Variants in ARPP21 observed in about 807,000 individuals in gnomAD.
ARPP21 encodes the protein cAMP-regulated phosphoprotein 21.
Under a neutral mutation model 113.2 loss-of-function variants are expected in ARPP21, and 69 were observed. The ratio of observed to expected loss-of-function variants is 0.61; its 90% confidence interval spans 0.50 to 0.74. The LOEUF is 0.74. Among genes scored for constraint, ARPP21 ranks in the 30% least tolerant of loss-of-function variants. The pLI, the probability that ARPP21 is intolerant of heterozygous loss-of-function variation, is 0.00. For synonymous variants in ARPP21, 368 were observed against 375.5 expected (o/e 0.98, Z 0.23); for missense variants, 1,070 against 1,037.4 (o/e 1.03, Z -0.43).
At chr3:35,645,039 C>T (rs1699678482) in intron 1 of ARPP21, among the ~76,000 whole-genome samples, 2 of 151,894 alleles carry the variant, frequency 1.3e-5, no homozygotes, top group East Asian at 1.9e-4. Flanking sequence ...AAAACTGTCT[C>T]ATTCAAGGAA....
chr3:35,737,071 C>T, intron 15 of ARPP21, 107 bp from the exon 16 acceptor site: 1 of 691,646 alleles, frequency 1.4e-6, no homozygotes. Flanking sequence ...TTTCCACTGC[C>T]CTGCCCCTTT....
chr3:35,693,201 AC>A (rs1252396793), intron 9 of ARPP21, among the ~76,000 whole-genome samples: 1 of 151,672 alleles, frequency 6.6e-6, no homozygotes, highest in East Asian at 1.9e-4. Flanking sequence ...CCTTACTCTT[AC>A]ACACCGCCAT....
chr3:35,697,968 A>T (rs982771488), intron 9 of ARPP21, among the ~76,000 whole-genome samples: 6 of 151,606 alleles, frequency 4.0e-5, no homozygotes, highest in Non-Finnish European at 8.9e-5. Context: ...TGCCTCTTAA[A>T]AATCTATGAG....
chr3:35,768,548 G>A (rs2096071701), intron 19 of ARPP21, among the ~76,000 whole-genome samples: 1 of 152,096 alleles, frequency 6.6e-6, no homozygotes, highest in South Asian at 2.1e-4. Flanking sequence ...TTCAATAGTA[G>A]TGTGTCTTTG....
chr3:35,722,844 A>G (rs946372171), intron 14 of ARPP21, among the ~76,000 whole-genome samples: 2 of 152,116 alleles, frequency 1.3e-5, no homozygotes, highest in African/African-American at 4.8e-5. Context: ...ATTATTCACT[A>G]TTGTTTTTGA....
At chr3:35,745,178 G>A (rs1018681852) in intron 19 of ARPP21, among the ~76,000 whole-genome samples, 1 of 152,050 alleles carries the variant, frequency 6.6e-6, no homozygotes, top group South Asian at 2.1e-4. Context: ...AACACTAAAG[G>A]GTTTCAAATA....
chr3:35,782,566 G>A (rs1276832959), intron 19 of ARPP21, among the ~76,000 whole-genome samples: 1 of 152,132 alleles, frequency 6.6e-6, no homozygotes, highest in Non-Finnish European at 1.5e-5. Context: ...GTAAATAGTA[G>A]TAGTAGGTGA....
At chr3:35,788,460 A>G (rs956972454) in intron 19 of ARPP21, among the ~76,000 whole-genome samples, 2 of 152,164 alleles carry the variant, frequency 1.3e-5, no homozygotes, top group African/African-American at 4.8e-5. Flanking sequence ...TGTATATCAC[A>G]CTGCTTGGGT....
intron 9 of ARPP21, among the ~76,000 whole-genome samples, chr3:35,698,348 C>T (rs902885898): frequency 6.6e-6 from 1 of 151,452 alleles, no homozygotes; most frequent in Admixed American, 6.6e-5. Context: ...TTTCCCTACT[C>T]GAAATTATTT....
At chr3:35,704,653 G>A (rs1374445162) in intron 9 of ARPP21, among the ~76,000 whole-genome samples, 1 of 151,876 alleles carries the variant, frequency 6.6e-6, no homozygotes, top group African/African-American at 2.4e-5. Flanking sequence ...ATTATCTTCT[G>A]ATTTATAATT....
At position 35,793,729 on chromosome 3, in the gene ARPP21, T is replaced by C; in HGVS notation, c.2315T>C (p.Leu772Pro). ...CCAATGACCCAGGGTTCTCAAGGAC[T>C]GCCCCAGCAGTCATACCAACAGCCA... ...QVPMTQGSQGLPQQSYQQPIM... is the reference protein window; with the variant it reads ...QVPMTQGSQGPPQQSYQQPIM... The change falls in exon 21 of 21, where the codon CTG becomes CCG. Residue 772 changes from leucine to proline, a missense_variant. Coordinates refer to ENST00000684406, the MANE Select transcript of ARPP21 (RefSeq NM_001385562.1). The C allele has an allele frequency of 6.2e-7, 1 of 1,613,952 alleles. No homozygotes were observed. The highest frequency in any genetic ancestry group is 8.5e-7 in the Non-Finnish European group (1 of 1,179,814).
At chr3:35,731,942 C>G (rs1207589681) in intron 15 of ARPP21, among the ~76,000 whole-genome samples, 2 of 152,052 alleles carry the variant, frequency 1.3e-5, no homozygotes, top group African/African-American at 4.8e-5. Flanking sequence ...TGCAGAGGAG[C>G]CATACTTAGT....
intron 1 of ARPP21, among the ~76,000 whole-genome samples, chr3:35,679,019 G>A (rs1373493485): frequency 6.6e-6 from 1 of 151,970 alleles, no homozygotes; most frequent in Non-Finnish European, 1.5e-5. Context: ...GTGAGAAAGA[G>A]AAAGTGCACA....
chr3:35,704,725 T>C (rs1246901983), intron 9 of ARPP21, among the ~76,000 whole-genome samples: 2 of 152,044 alleles, frequency 1.3e-5, no homozygotes, highest in Non-Finnish European at 1.5e-5. Context: ...ATTATAGTGA[T>C]TTATGAATAG....
In ARPP21 at chr3:35,737,171, A is replaced by C. The variant is rs755033655; in HGVS notation, c.1460-7A>C. On this transcript the variant is annotated splice_region_variant and splice_polypyrimidine_tract_variant and intron_variant, in intron 15 of 20. Coordinates refer to ENST00000684406, the MANE Select transcript of ARPP21 (RefSeq NM_001385562.1). The stretch of plus-strand genomic sequence containing the variant: ...CTTACCTGGACTAAGTTCTGATTCC[A>C]TTGCAGGCCAGCCCTTTGTGAATCC... The C allele has an allele frequency of 3.1e-6, 5 of 1,587,868 alleles. No homozygotes were observed. Among genetic ancestry groups the C allele is most frequent in the Non-Finnish European group, 4.3e-6 (5 of 1,159,864 alleles).
intron 19 of ARPP21, among the ~76,000 whole-genome samples, chr3:35,755,811 GA>G (rs1222350277): frequency 6.6e-6 from 1 of 152,036 alleles, no homozygotes; most frequent in East Asian, 1.9e-4. Context: ...GTACCCATGG[GA>G]AAACTGCAAG....
At position 35,699,441 on chromosome 3, in the gene ARPP21, G is replaced by A. The variant is rs140128426; in HGVS notation, c.687-7533G>A. ...GATTCTGGTTGTGTATAATGAATAT[G>A]ATAATAATAATAACATGTTTTAATG... On this transcript the variant is annotated intron_variant, in intron 9 of 20. Coordinates refer to ENST00000684406, the MANE Select transcript of ARPP21 (RefSeq NM_001385562.1). 1.1e-3 allele frequency among the ~76,000 whole-genome samples: 168 copies of A among 151,686 alleles called. 1 individual carries two copies. Among genetic ancestry groups the A allele is most frequent in the African/African-American group, 4.0e-3 (166 of 41,450 alleles).
intron 1 of ARPP21, among the ~76,000 whole-genome samples, chr3:35,652,148 T>A (rs1327285361): frequency 6.6e-6 from 1 of 152,244 alleles, no homozygotes; most frequent in African/African-American, 2.4e-5. Flanking sequence ...AATCTACTAA[T>A]GTGACTCAGC....
At chr3:35,748,187 GAA>G (rs1454847579) in intron 19 of ARPP21, among the ~76,000 whole-genome samples, 2 of 140,142 alleles carry the variant, frequency 1.4e-5, no homozygotes, top group African/African-American at 2.7e-5. Context: ...AAGAAAGAAA[GAA>G]AGAAAGAGAG....
Sources: gnomAD v4.1 joint callset for allele counts (sites outside exome capture counted in the v4.1 genomes callset) on GRCh38, gnomAD v4.1.1 for gene constraint, MANE v1.5 for transcripts, NCBI Gene and HGNC (gene_info 2026-07-23, HGNC 2026-07-21) for gene names.